The following MRTFA variants were observed in gnomAD, a reference collection of about 807,000 sequenced individuals.
MRTFA encodes myocardin related transcription factor A.
A neutral mutation model predicts 83.5 loss-of-function variants in MRTFA; 20 were observed. The ratio of observed to expected loss-of-function variants is 0.24; its 90% CI spans 0.17 to 0.35. The LOEUF (loss-of-function observed/expected upper bound fraction) is 0.35. MRTFA is among the 10% of genes least tolerant of loss of function. MRTFA has a pLI of 1.00. For synonymous variants in MRTFA, 659 were observed against 541.2 expected (o/e 1.22, Z -3.02); for missense variants, 1,200 against 1,224.7 (o/e 0.98, Z 0.30).
chr22:40,479,115 T>C (rs1024192425), intron 3 of MRTFA, among the ~76,000 whole-genome samples: 1 of 152,050 alleles, frequency 6.6e-6, no homozygotes, highest in Non-Finnish European at 1.5e-5. Context: ...GCTGCTGAAA[T>C]AGATAAGCAA....
chr22:40,477,944 G>A (rs12484130), intron 3 of MRTFA, among the ~76,000 whole-genome samples: 2 of 152,250 alleles, frequency 1.3e-5, no homozygotes, highest in African/African-American at 4.8e-5. Flanking sequence ...GCAAGCTTCA[G>A]AGAGAGGCAG....
chr22:40,620,123 A>AAT (rs2056503767), intron 1 of MRTFA, among the ~76,000 whole-genome samples: 1 of 143,970 alleles, frequency 6.9e-6, no homozygotes, highest in Non-Finnish European at 1.5e-5. Context: ...ACACCCAGCT[A>AAT]ATTTTTTTTT....
At chr22:40,491,277 G>A (rs2054267643) in intron 3 of MRTFA, among the ~76,000 whole-genome samples, 1 of 152,154 alleles carries the variant, frequency 6.6e-6, no homozygotes, top group Non-Finnish European at 1.5e-5. Context: ...AGGAGGTGGA[G>A]GTTGCAGTGA....
chr22:40,586,889 TGC>T, intron 2 of MRTFA: 1 of 206,630 alleles, frequency 4.8e-6, no homozygotes. Context: ...CCTCTAGTGC[TGC>T]TGGTGCTGCT....
rs1473743257 is a variant in MRTFA, at chr22:40,418,763, TCTC to T, written c.1972_1974del (p.Glu658del). 1.3e-6 allele frequency: 2 copies of T among 1,547,868 alleles called. No individual in the cohort carries two copies. The highest frequency in any genetic ancestry group is 8.7e-7 in the Non-Finnish European group (1 of 1,153,502). On this transcript the variant is annotated inframe_deletion, in exon 12 of 15. Transcript: ENST00000355630. Reference sequence around the variant, plus strand: ...GCGGGGGCGGGCTGCTGGGCTCGCTTCTCCTGCTCCAGCTGCAGCTTGAGCCGC... The same window carrying T: ...GCGGGGGCGGGCTGCTGGGCTCGCTTCTGCTCCAGCTGCAGCTTGAGCCGC...
At chr22:40,626,505 C>T (rs2056583936) in intron 1 of MRTFA, among the ~76,000 whole-genome samples, 1 of 152,078 alleles carries the variant, frequency 6.6e-6, no homozygotes, top group Admixed American at 6.6e-5. Context: ...GTTATCTAGG[C>T]TGGTCTTGAA....
chr22:40,431,289 A>T (rs2053064775), intron 6 of MRTFA, 116 bp downstream of exon 6: 1 of 955,964 alleles, frequency 1.0e-6, no homozygotes, highest in Non-Finnish European at 1.7e-6. Context: ...GCTCTGGCTT[A>T]CCCACTGCCA....
intron 9 of MRTFA, among the ~76,000 whole-genome samples, chr22:40,422,523 C>G (rs1185737989): frequency 6.6e-6 from 1 of 152,228 alleles, no homozygotes; most frequent in Non-Finnish European, 1.5e-5. Flanking sequence ...CCCGGGCAGG[C>G]AGTGCTGAAA....
chr22:40,424,259 C>T lies in MRTFA; in HGVS notation c.724G>A (p.Glu242Lys), dbSNP rs764564507. The T allele has an allele frequency of 1.9e-6, 3 of 1,610,602 alleles. No individual in the cohort carries two copies. The highest frequency in any genetic ancestry group is 1.1e-5 in the South Asian group (1 of 90,606). The change falls in exon 8 of 15, where the codon GAG (glutamate) becomes AAG (lysine). Residue 242 changes from glutamate to lysine, a missense_variant. Physicochemically the swap from Glu to Lys is moderately conservative, Grantham distance 56. This residue lies in a region of MRTFA where 1,107 missense variants were observed against 1,041.8 expected (regional missense o/e 1.06). Coordinates refer to ENST00000355630, the MANE Select transcript of MRTFA (RefSeq NM_020831.6). ...AGCAGTGGTTCGCTGACTCGGGCCT[C>T]CAGGGGTGACGGCACAGAACCCTGG...
chr22:40,614,847 C>T (rs1394300009), intron 1 of MRTFA, among the ~76,000 whole-genome samples: 1 of 152,002 alleles, frequency 6.6e-6, no homozygotes, highest in Non-Finnish European at 1.5e-5. Context: ...TTAATTGGGC[C>T]ATTTGTCATA....
At chr22:40,471,700 T>C (rs1445407718) in intron 3 of MRTFA, among the ~76,000 whole-genome samples, 1 of 151,882 alleles carries the variant, frequency 6.6e-6, no homozygotes, top group African/African-American at 2.4e-5. Context: ...CTGGGCAACA[T>C]GGCAAAACTG....
intron 1 of MRTFA, among the ~76,000 whole-genome samples, chr22:40,610,043 C>CTTTTTTTTTT (rs966206904): frequency 8.0e-6 from 1 of 124,598 alleles, no homozygotes; most frequent in African/African-American, 2.9e-5. Context: ...TTTTTTTTCT[C>CTTTTTTTTTT]TTTTTTTTTT....
At chr22:40,573,036 T>C (rs1034394221) in intron 2 of MRTFA, among the ~76,000 whole-genome samples, 1 of 152,166 alleles carries the variant, frequency 6.6e-6, no homozygotes, top group Non-Finnish European at 1.5e-5. Context: ...CATATTGTAT[T>C]ATCCAATTTA....
chr22:40,425,721 C>T (rs982754572), intron 7 of MRTFA, among the ~76,000 whole-genome samples: 4 of 152,212 alleles, frequency 2.6e-5, no homozygotes, highest in East Asian at 1.9e-4. Context: ...CTCCTACTTC[C>T]GGCAACGGCA....
At chr22:40,607,503 CA>C (rs369102921) in intron 1 of MRTFA, among the ~76,000 whole-genome samples, 134 of 102,040 alleles carry the variant, frequency 1.3e-3, no homozygotes, top group Admixed American at 1.6e-3. Flanking sequence ...GACTCCGTCT[CA>C]AAAAAAAAAA....
chr22:40,504,667 AAGC>A (rs2054551904), intron 3 of MRTFA, among the ~76,000 whole-genome samples: 1 of 152,202 alleles, frequency 6.6e-6, no homozygotes. Context: ...AGAAAGAGGA[AAGC>A]AGTTACTTAT....
In MRTFA at chr22:40,429,761, G is replaced by A. The variant is rs199952280; in HGVS notation, c.446C>T (p.Ser149Leu). 1.8e-5 allele frequency: 29 copies of A among 1,611,606 alleles called. No individual in the cohort carries two copies. In the Admixed American group the frequency reaches 2.7e-4, roughly 15 times the overall value. ...CTTGGCCTGGAGGGATGGCTCAGCC[G>A]AGGTCTCTGCCCATGGGAGAGAAAG... Residue 149 changes from serine (S) to leucine (L), a missense_variant, in exon 7 of 15, where the codon TCG becomes TTG. Physicochemically the swap from Ser to Leu is moderately radical, Grantham distance 145 (BLOSUM62 -2). Coordinates refer to ENST00000355630, the MANE Select transcript of MRTFA (RefSeq NM_020831.6).
chr22:40,610,172 G>A (rs1031886279), intron 1 of MRTFA, among the ~76,000 whole-genome samples: 5 of 150,040 alleles, frequency 3.3e-5, no homozygotes, highest in African/African-American at 7.4e-5. Context: ...TCAGCCTCCC[G>A]GGTAGCTGGG....
intron 6 of MRTFA, among the ~76,000 whole-genome samples, chr22:40,430,733 G>A (rs1306733780): frequency 2.0e-5 from 3 of 151,894 alleles, no homozygotes; most frequent in Admixed American, 6.6e-5. Flanking sequence ...GGTGGCGCTC[G>A]TCTGTAATCC....
Sources: allele counts gnomAD v4.1 joint callset (sites outside exome capture counted in the v4.1 genomes callset), GRCh38; gene constraint gnomAD v4.1.1; regional missense constraint gnomAD v4.1.1; transcripts MANE v1.5; gene names NCBI Gene and HGNC (gene_info 2026-07-23, HGNC 2026-07-21).